Variants in TSHZ3 observed in about 807,000 individuals in gnomAD.
The protein encoded by TSHZ3 is teashirt homolog 3.
In TSHZ3, 10 loss-of-function variants were observed where a neutral mutation model predicts 64.5. That is an observed-to-expected ratio of 0.16 (90% CI 0.10 to 0.26). TSHZ3 has a LOEUF of 0.26. Among genes scored for constraint, TSHZ3 ranks in the 10% least tolerant of loss-of-function variants. The probability of loss-of-function intolerance (pLI) is 1.00; values close to 1 mark genes in which losing one functional copy is unlikely to be tolerated. For missense variants in TSHZ3, 1,242 were observed against 1,421.7 expected, an observed-to-expected ratio of 0.87 and a Z score of 2.03; for synonymous variants, 608 against 593.1, an observed-to-expected ratio of 1.03 and a Z score of -0.36.
chr19:31,250,249 C>A (rs771443087), intron 1 of TSHZ3, among the ~76,000 whole-genome samples: 14 of 152,250 alleles, frequency 9.2e-5, no homozygotes, highest in Admixed American at 6.5e-5. Flanking sequence ...GAGTCTAAAT[C>A]ATCTTTTCCC....
At chr19:31,241,600 A>G (rs1455181955) in intron 3 of TSHZ3, among the ~76,000 whole-genome samples, 2 of 151,644 alleles carry the variant, frequency 1.3e-5, no homozygotes, top group African/African-American at 4.8e-5. Context: ...CCACCTACAC[A>G]CCTCCCTTTC....
chr19:31,164,587 C>A (rs1974418345), intron 5 of TSHZ3, among the ~76,000 whole-genome samples: 1 of 152,098 alleles, frequency 6.6e-6, no homozygotes, highest in South Asian at 2.1e-4. Context: ...GGGTCCCAGT[C>A]TGAGCTTCTC....
intron 1 of TSHZ3, among the ~76,000 whole-genome samples, chr19:31,287,562 G>A (rs1028389664): frequency 2.6e-5 from 4 of 151,956 alleles, no homozygotes; most frequent in Admixed American, 1.3e-4. Flanking sequence ...AGAGAGAGGA[G>A]GGGGCCCAGC....
chr19:31,272,690 G>T (rs191992681), downstream of TSHZ3, among the ~76,000 whole-genome samples: 1 of 152,284 alleles, frequency 6.6e-6, no homozygotes, highest in East Asian at 1.9e-4. Flanking sequence ...CTCCATTTAA[G>T]ATTTTCATCT....
chr19:31,257,404 T>G (rs555702697), intron 1 of TSHZ3, among the ~76,000 whole-genome samples: 1 of 152,226 alleles, frequency 6.6e-6, no homozygotes, highest in East Asian at 1.9e-4. Flanking sequence ...TGTGAGTAGT[T>G]TATTCCGGAA....
rs147612532 is a variant in TSHZ3, at chr19:31,186,094, C to T, written n.809+18862G>A. 2.6e-5 allele frequency among the ~76,000 whole-genome samples: 4 copies of T among 152,258 alleles called. No individual in the cohort carries two copies. In the East Asian group the frequency reaches 5.8e-4, roughly 22 times the overall value. ...TTTTAACGAATGTTGGGGTTCCTTC[C>T]GGTTTTTACCCATTATGAATCAAGT... On this transcript the variant is annotated intron_variant and non_coding_transcript_variant, in intron 5 of 6. Transcript: ENST00000651361.
chr19:31,171,383 A>G (rs1261637839), intron 5 of TSHZ3, among the ~76,000 whole-genome samples: 1 of 152,084 alleles, frequency 6.6e-6, no homozygotes, highest in Non-Finnish European at 1.5e-5. Flanking sequence ...TGAGTCCCAA[A>G]TCCATCTTCC....
At chr19:31,175,542 A>G (rs1318688822) in intron 5 of TSHZ3, among the ~76,000 whole-genome samples, 1 of 152,164 alleles carries the variant, frequency 6.6e-6, no homozygotes, top group East Asian at 1.9e-4. Flanking sequence ...GAGTTGAGCC[A>G]TGTGTTCAGG....
chr19:31,336,789 CA>C, intron 1 of TSHZ3, among the ~76,000 whole-genome samples: 1 of 152,224 alleles, frequency 6.6e-6, no homozygotes, highest in Middle Eastern at 3.4e-3. Context: ...AGATTTTTAA[CA>C]AAAAGTTAGA....
intron 1 of TSHZ3, among the ~76,000 whole-genome samples, chr19:31,255,119 G>C (rs766880427): frequency 2.0e-5 from 3 of 152,192 alleles, no homozygotes; most frequent in Non-Finnish European, 4.4e-5. Flanking sequence ...CTGGTGACTG[G>C]AGAAGGAAAA....
At chr19:31,183,178 TTCTCTCTCTCTCTCTCTC>T (rs750398873) in intron 5 of TSHZ3, among the ~76,000 whole-genome samples, 7 of 116,540 alleles carry the variant, frequency 6.0e-5, no homozygotes, top group East Asian at 5.2e-4. Flanking sequence ...TTCTATGAGA[TTCTCTCTCTCTCTCTCTC>T]TCTCTCTCTC....
chr19:31,265,397 C>CAAAAAAAAAAAAAAAAAAAA (rs11432951), intron 1 of TSHZ3, among the ~76,000 whole-genome samples: 2 of 34,266 alleles, frequency 5.8e-5, no homozygotes, highest in African/African-American at 1.2e-4. Context: ...AACTCTGTCT[C>CAAAAAAAAAAAAAAAAAAAA]AAAAAAAAAA....
In TSHZ3 at chr19:31,192,839, A is replaced by G. The variant is rs555772778; in HGVS notation, n.809+12117T>C. On this transcript the variant is annotated intron_variant and non_coding_transcript_variant, in intron 5 of 6. Coordinates refer to the TSHZ3 transcript ENST00000651361. The stretch of plus-strand genomic sequence containing the variant: ...TGCACACTTTCTTTAATTGGATTTA[A>G]TCGGTTAACATGACAGTTTTTAGGA... 6.4e-4 allele frequency among the ~76,000 whole-genome samples: 98 copies of G among 152,348 alleles called. No individual in the cohort carries two copies. In the South Asian group the frequency reaches 0.011, roughly 16 times the overall value.
At chr19:31,261,230 C>G (rs1015011770) in intron 1 of TSHZ3, among the ~76,000 whole-genome samples, 3 of 152,212 alleles carry the variant, frequency 2.0e-5, no homozygotes, top group African/African-American at 7.2e-5. Context: ...TGTGTGCCCT[C>G]TGCCAGCCAC....
At chr19:31,333,125 T>C (rs1917141890) in intron 1 of TSHZ3, among the ~76,000 whole-genome samples, 1 of 150,090 alleles carries the variant, frequency 6.7e-6, no homozygotes, top group South Asian at 2.1e-4. Context: ...AATAAATAAA[T>C]AAATAAATAA....
At chr19:31,154,440 C>T (rs1179775030) in intron 6 of TSHZ3, among the ~76,000 whole-genome samples, 3 of 152,106 alleles carry the variant, frequency 2.0e-5, no homozygotes, top group Non-Finnish European at 4.4e-5. Context: ...GTCCTTCATT[C>T]CTCAGTGGAC....
chr19:31,183,878 C>T lies in TSHZ3; in HGVS notation n.809+21078G>A, dbSNP rs576279745. On this transcript the variant is annotated intron_variant and non_coding_transcript_variant, in intron 5 of 6. Coordinates refer to the TSHZ3 transcript ENST00000651361. ...GGGCCATATATTAGTGCCGAACAGT[C>T]ATTTTTTTGAGCACTAAAGTAATAC... 1.7e-4 allele frequency among the ~76,000 whole-genome samples: 26 copies of T among 152,220 alleles called. No homozygotes were observed. The South Asian group carries it at 5.4e-3, about 32-fold the overall frequency.
chr19:31,215,727 C>A (rs1021898076), intron 4 of TSHZ3, among the ~76,000 whole-genome samples: 1 of 151,886 alleles, frequency 6.6e-6, no homozygotes, highest in Non-Finnish European at 1.5e-5. Context: ...AAAAATTAGC[C>A]GGGCATAGTG....
chr19:31,219,417 G>A (rs974664171), intron 4 of TSHZ3, among the ~76,000 whole-genome samples: 3 of 151,800 alleles, frequency 2.0e-5, no homozygotes, highest in Non-Finnish European at 2.9e-5. Flanking sequence ...TGAGAAGTTT[G>A]CTTCAAGCAA....
Sources: gnomAD v4.1 joint callset for allele counts (sites outside exome capture counted in the v4.1 genomes callset) on GRCh38, gnomAD v4.1.1 for gene constraint, MANE v1.5 for transcripts, NCBI Gene and HGNC (gene_info 2026-07-23, HGNC 2026-07-21) for gene names.